The following NTSR2 variants were observed in gnomAD, a reference collection of about 807,000 sequenced individuals.
NTSR2 encodes the protein neurotensin receptor type 2.
In NTSR2, 22 loss-of-function variants were observed where a neutral mutation model predicts 24.1. The ratio of observed to expected loss-of-function variants is 0.91; its 90% CI spans 0.65 to 1.30. The LOEUF (loss-of-function observed/expected upper bound fraction) is 1.30. Among genes scored for constraint, NTSR2 ranks in the 50% most tolerant of loss-of-function variants. The pLI is 0.00. For synonymous variants in NTSR2, 291 were observed against 267.0 expected, an observed-to-expected ratio of 1.09 and a Z score of -0.88; for missense variants, 570 against 570.4, an observed-to-expected ratio of 1.00 and a Z score of 0.01.
chr2:11,663,568 CAAAA>C (rs1661129076), intron 1 of NTSR2, among the ~76,000 whole-genome samples: 1 of 152,158 alleles, frequency 6.6e-6, no homozygotes, highest in South Asian at 2.1e-4. Flanking sequence ...GCAAAGAAAA[CAAAA>C]GTCCTTGGAT....
At chr2:11,660,231 A>T in intron 2 of NTSR2, 98 bp from the exon 3 acceptor site, 1 of 896,310 alleles carries the variant, frequency 1.1e-6, no homozygotes, top group Non-Finnish European at 1.8e-6. Context: ...AGGGGATAGC[A>T]GCATTTCCCT....
intron 3 of NTSR2, among the ~76,000 whole-genome samples, chr2:11,659,669 T>C (rs188179077): frequency 1.3e-5 from 2 of 152,322 alleles, no homozygotes; most frequent in East Asian, 3.9e-4. Flanking sequence ...CTTTGTTAGC[T>C]CCTGGGGTCG....
At chr2:11,668,039 A>T (rs897633463) in intron 1 of NTSR2, among the ~76,000 whole-genome samples, 1 of 152,020 alleles carries the variant, frequency 6.6e-6, no homozygotes, top group Non-Finnish European at 1.5e-5. Context: ...GCCTCTGTGG[A>T]TTCCGGGGGC....
At chr2:11,669,469 C>A (rs752085565) in intron 1 of NTSR2, 37 bp downstream of exon 1, 2 of 163,826 alleles carry the variant, frequency 1.2e-5, no homozygotes, top group East Asian at 1.5e-4. Flanking sequence ...CGCCCCCCCA[C>A]CCCCCCTCCC....
intron 1 of NTSR2, among the ~76,000 whole-genome samples, chr2:11,664,096 C>G (rs1274624247): frequency 6.6e-6 from 1 of 150,856 alleles, no homozygotes; most frequent in African/African-American, 2.4e-5. Context: ...CTCTCTTCCA[C>G]CTTTCCCTTA....
intron 1 of NTSR2, 46 bp downstream of exon 1, chr2:11,669,460 G>GGGGGGGGGGGGGGGCCCCC: frequency 5.9e-5 from 15 of 254,718 alleles, no homozygotes; most frequent in East Asian, 1.6e-4. Context: ...TCCCAGCACC[G>GGGGGGGGGGGGGGGCCCCC]CCCCCCCACC....
Position 11,662,059 on chromosome 2 carries a change from T to C in NTSR2, c.806A>G (p.Lys269Arg). The change falls in exon 2 of 4, where the codon AAG becomes AGG. Residue 269 changes from lysine (K) to arginine (R), a missense_variant. Lys to Arg is a conservative substitution (Grantham distance 26). Transcript: ENST00000306928. Reference protein sequence around the residue: ...EEGLLSFIVWKKTFIQGGQVS... With the variant: ...EEGLLSFIVWRKTFIQGGQVS... ...CTGGCCTCCCTGGATAAAGGTCTTC[T>C]TCCATACGATGAAGCTGAGGAGACC... 1 of 1,613,724 alleles carries C rather than the reference T, an allele frequency of 6.2e-7. No homozygotes were observed. Among genetic ancestry groups the C allele is most frequent in the Non-Finnish European group, 8.5e-7 (1 of 1,179,918 alleles).
chr2:11,665,885 A>C (rs1275601378), intron 1 of NTSR2: 1 of 155,728 alleles, frequency 6.4e-6, no homozygotes, highest in Admixed American at 6.5e-5. Context: ...CAAGTGCCTC[A>C]GCCTACTTTG....
intron 3 of NTSR2, among the ~76,000 whole-genome samples, chr2:11,659,002 A>G (rs148549427): frequency 1.6e-3 from 250 of 152,156 alleles, no homozygotes; most frequent in African/African-American, 5.8e-3. Context: ...ACAGGCACAC[A>G]CCACCATGCC....
At chr2:11,668,007 C>T (rs1024643599) in intron 1 of NTSR2, among the ~76,000 whole-genome samples, 4 of 152,220 alleles carry the variant, frequency 2.6e-5, no homozygotes, top group Non-Finnish European at 5.9e-5. Context: ...CACAGAGGTA[C>T]ACTTCTGAGG....
chr2:11,665,404 C>T (rs1661174493), intron 1 of NTSR2: 1 of 152,184 alleles, frequency 6.6e-6, no homozygotes, highest in African/African-American at 2.4e-5. Flanking sequence ...TGCAAATACA[C>T]ACGCTATAGC....
intron 1 of NTSR2, among the ~76,000 whole-genome samples, chr2:11,666,252 C>T (rs1300716784): frequency 6.6e-6 from 1 of 152,154 alleles, no homozygotes; most frequent in Non-Finnish European, 1.5e-5. Context: ...CCCCAGAGGC[C>T]ACAGGGACAG....
At position 11,669,749 on chromosome 2, in the gene NTSR2, T is replaced by C. The variant is rs1026475733; in HGVS notation, c.381A>G (p.Ala127=). The C allele has an allele frequency of 4.6e-6, 7 of 1,537,410 alleles. No individual in the cohort carries two copies. In the African/African-American group the frequency reaches 8.3e-5, roughly 18 times the overall value. ...CTAGGCAGCGCTCGGCGCTCAGGCC[T>C]GCCACGCTCAGCACCGTGGCGTAGG... ...LCAYATVLSV[A]GLSAERCLAV... The change falls in exon 1 of 4, where the codon GCA becomes GCG. Residue 127 remains alanine, a synonymous_variant. Coordinates refer to ENST00000306928, the MANE Select transcript of NTSR2 (RefSeq NM_012344.4).
chr2:11,661,417 G>T lies in NTSR2; in HGVS notation c.898+550C>A, dbSNP rs114137646. Among the ~76,000 whole-genome samples the T allele has an allele frequency of 7.5e-3, 1,146 of 152,282 alleles. 12 individuals are homozygous for T. The highest frequency in any genetic ancestry group is 0.026 in the African/African-American group (1,081 of 41,550). ...ACTGTGACATTGATGACAGCAGAGG[G>T]CCTGTCTTGTACTTGATCCTTCCAT... On this transcript the variant is annotated intron_variant, in intron 2 of 3. Coordinates refer to ENST00000306928, the MANE Select transcript of NTSR2 (RefSeq NM_012344.4).
chr2:11,658,423 G>T lies in NTSR2; in HGVS notation c.*56C>A, dbSNP rs1312036913. On this transcript the variant is annotated 3_prime_UTR_variant, in exon 4 of 4. Coordinates refer to ENST00000306928, the MANE Select transcript of NTSR2 (RefSeq NM_012344.4). ...AGTGATGAGGTTGCTCACCTGCTTTGCCAGGTGACTAAGCAGCTGGTCATT... is the reference window on the plus strand; with the variant it reads ...AGTGATGAGGTTGCTCACCTGCTTTTCCAGGTGACTAAGCAGCTGGTCATT... 6.5e-7 allele frequency: 1 copy of T among 1,528,630 alleles called. No homozygotes were observed. The highest frequency in any genetic ancestry group is 1.4e-5 in the African/African-American group (1 of 72,108). The allele number at this position is 1,528,630 out of a possible 1,614,324, so 94.7% of individuals were successfully genotyped here. A position where few individuals can be genotyped will look rare whatever the true frequency, so the allele number is the denominator to read the frequency against.
chr2:11,669,460 G>GGGGGGGGGGGGCCCCCCCCCCCCCCCCCC, intron 1 of NTSR2, 46 bp downstream of exon 1: 13 of 254,720 alleles, frequency 5.1e-5, no homozygotes, highest in East Asian at 1.1e-4. Context: ...TCCCAGCACC[G>GGGGGGGGGGGGCCCCCCCCCCCCCCCCCC]CCCCCCCACC....
chr2:11,669,460 G>GGCCCCCCCCCCCCCCCCCCCC, intron 1 of NTSR2, 46 bp downstream of exon 1: 2 of 254,726 alleles, frequency 7.9e-6, no homozygotes, highest in South Asian at 1.6e-4. Flanking sequence ...TCCCAGCACC[G>GGCCCCCCCCCCCCCCCCCCCC]CCCCCCCACC....
rs528781692 is a variant in NTSR2, at chr2:11,669,489, G to A, written c.624+17C>T. The A allele has an allele frequency of 1.5e-4, 48 of 330,246 alleles. No homozygotes were observed. The highest frequency in any genetic ancestry group is 1.6e-4 in the Non-Finnish European group (43 of 261,880). The allele number at this position is 330,246 out of a possible 1,614,324, so 20.5% of individuals were successfully genotyped here. ...CCCCACCCCCCCTCCCCCGACTCCC[G>A]CTCTCCACGCCCTTACCTGGATAAA... On this transcript the variant is annotated intron_variant, in intron 1 of 3. Coordinates refer to ENST00000306928, the MANE Select transcript of NTSR2 (RefSeq NM_012344.4).
At chr2:11,665,480 C>G (rs1661176533) in intron 1 of NTSR2, 1 of 152,228 alleles carries the variant, frequency 6.6e-6, no homozygotes, top group Non-Finnish European at 1.5e-5. Flanking sequence ...CGGAATGTTG[C>G]AGCTGCTAGA....
Sources: gnomAD v4.1 joint callset for allele counts (sites outside exome capture counted in the v4.1 genomes callset) on GRCh38, gnomAD v4.1.1 for gene constraint, MANE v1.5 for transcripts, NCBI Gene and HGNC (gene_info 2026-07-23, HGNC 2026-07-21) for gene names.